Variants in KCTD18 observed in about 807,000 individuals in gnomAD.
KCTD18 encodes potassium channel tetramerization domain containing 18, also known as BTB/POZ domain-containing protein KCTD18.
A neutral mutation model predicts 30.4 loss-of-function variants in KCTD18; 22 were observed. The ratio of observed to expected loss-of-function variants is 0.72; its 90% CI spans 0.52 to 1.03. The LOEUF is 1.03. Among genes scored for constraint, KCTD18 ranks in the 50% least tolerant of loss-of-function variants. The pLI is 0.00. For missense variants in KCTD18, 529 were observed against 547.6 expected (o/e 0.97, Z 0.34); for synonymous variants, 186 against 209.0 (o/e 0.89, Z 0.95).
chr2:200,501,145 T>G (rs1335783865), intron 3 of KCTD18, among the ~76,000 whole-genome samples: 1 of 152,118 alleles, frequency 6.6e-6, no homozygotes, highest in African/African-American at 2.4e-5. Context: ...CAAGATGGAT[T>G]AAAGACTTAA....
At chr2:200,505,637 T>C (rs910330026) in intron 2 of KCTD18, among the ~76,000 whole-genome samples, 2 of 152,168 alleles carry the variant, frequency 1.3e-5, no homozygotes, top group African/African-American at 4.8e-5. Context: ...AACAGGTATA[T>C]GGAGGTTCTC....
rs151075324 is a variant in KCTD18, at chr2:200,498,911, G to A, written c.546C>T (p.His182=). 1 of 1,613,732 alleles carries A rather than the reference G, an allele frequency of 6.2e-7. No homozygotes were observed. Among genetic ancestry groups the A allele is most frequent in the African/African-American group, 1.3e-5 (1 of 75,022 alleles). ...CATACCTTTTAAAAATGCCTTTGCT[G>A]TGAATTCTTCCTCCCAGCTGCTTTT... ...AIEKQLGGRI[H]SKGIFKREAG... The change falls in exon 4 of 7, where the codon CAC becomes CAT. Residue 182 remains histidine (H), a synonymous_variant. Coordinates refer to ENST00000359878, the MANE Select transcript of KCTD18 (RefSeq NM_152387.4).
At chr2:200,499,139 T>C (rs1450196947) in intron 3 of KCTD18, 55 bp from the exon 4 acceptor site, 1 of 1,238,272 alleles carries the variant, frequency 8.1e-7, no homozygotes, top group African/African-American at 1.5e-5. Flanking sequence ...AAAATAAAAA[T>C]GAATATGCTC....
At chr2:200,505,584 T>C (rs1574808964) in intron 2 of KCTD18, among the ~76,000 whole-genome samples, 1 of 152,166 alleles carries the variant, frequency 6.6e-6, no homozygotes, top group Admixed American at 6.5e-5. Flanking sequence ...ACACTGCTGG[T>C]AGAAACAGCA....
rs200421604 is a variant in KCTD18 at position 200,505,873 on chromosome 2, AAGAG to A, written c.161-918_161-915del. 6.6e-5 allele frequency among the ~76,000 whole-genome samples: 10 copies of A among 152,180 alleles called. No individual in the cohort carries two copies. The East Asian group carries it at 1.9e-3, about 29-fold the overall frequency. On this transcript the variant is annotated intron_variant, in intron 2 of 6. Coordinates refer to ENST00000359878, the MANE Select transcript of KCTD18 (RefSeq NM_152387.4). ...TAATTTAGCAGAATTAAAAAAAAAAAAGAGAGAAAAACCTCTACATGAGGCTAGT... is the reference window on the plus strand; with the variant it reads ...TAATTTAGCAGAATTAAAAAAAAAAAAGAAAAACCTCTACATGAGGCTAGT...
rs762649444 is a variant in KCTD18 at position 200,493,211 on chromosome 2, A to G, written c.725T>C (p.Leu242Ser). 1 of 1,613,390 alleles carries G rather than the reference A, an allele frequency of 6.2e-7. No homozygotes were observed. Among genetic ancestry groups the G allele is most frequent in the Admixed American group, 1.7e-5 (1 of 60,022 alleles). The part of the protein sequence containing the change: ...IECWTLEERP[L>S]LGSLRHMAPI... Reference sequence around the variant, plus strand: ...AGCCATGTGACGCAGGCTTCCAAGTAAAGGCCGTTCTTCTAGAGTCCAACA... The same window carrying G: ...AGCCATGTGACGCAGGCTTCCAAGTGAAGGCCGTTCTTCTAGAGTCCAACA... The change falls in exon 6 of 7, where the codon TTA becomes TCA. Residue 242 changes from leucine to serine, a missense_variant. Coordinates refer to ENST00000359878, the MANE Select transcript of KCTD18 (RefSeq NM_152387.4).
At position 200,497,753 on chromosome 2, in the gene KCTD18, CT is replaced by C; in HGVS notation, c.660del (p.Gly221ValfsTer11). 3 of 1,601,430 alleles carry C rather than the reference CT, an allele frequency of 1.9e-6. No homozygotes were observed. The highest frequency in any genetic ancestry group is 1.7e-6 in the Non-Finnish European group (2 of 1,169,250). On this transcript the variant is annotated frameshift_variant and splice_region_variant, in exon 5 of 7. Coordinates refer to ENST00000359878, the MANE Select transcript of KCTD18 (RefSeq NM_152387.4). LOFTEE classifies it high-confidence loss of function. ...MMDAFDAWEG[K>X]GVSYWRVPHE... is the part of the protein sequence containing the mutation. ...ATGAAATAAAAGAATTGCACTGTAC[CT>C]TTTCCTTCCCAAGCATCAAAGGCAT...
rs933969594 is a variant in KCTD18 at position 200,490,257 on chromosome 2, C to T, written c.1124G>A (p.Arg375Gln). The T allele has an allele frequency of 1.2e-6, 2 of 1,614,248 alleles. No homozygotes were observed. Among genetic ancestry groups the T allele is most frequent in the Non-Finnish European group, 1.7e-6 (2 of 1,180,044 alleles). Residue 375 changes from arginine (R) to glutamine (Q), a missense_variant, in exon 7 of 7, where the codon CGG becomes CAG. By Grantham distance (43) the Arg-to-Gln change is conservative. Transcript: ENST00000359878. The stretch of plus-strand genomic sequence containing the variant: ...CGGAGTCCTCTTCAGCTTTATCACC[C>T]GCTGGGGTGTAGGCTTCTTGTCGGA... ...LLSDKKPTPQ[R>Q]VIKLKRTPLC...
In KCTD18 at chr2:200,490,111, T is replaced by C; in HGVS notation, c.1270A>G (p.Lys424Glu). 1 of 1,572,404 alleles carries C rather than the reference T, an allele frequency of 6.4e-7. No individual in the cohort carries two copies. ...LGVRTENGKN[K>E]GN Reference sequence around the variant, plus strand: ...GTCCACCACTTTCATCAATTTCCCTTGTTCTTCCCGTTCTCAGTCCGCACT... The same window carrying C: ...GTCCACCACTTTCATCAATTTCCCTCGTTCTTCCCGTTCTCAGTCCGCACT... Residue 424 changes from lysine (K) to glutamate (E), a missense_variant, in exon 7 of 7, where the codon AAG (lysine) becomes GAG (glutamate). Transcript: ENST00000359878.
chr2:200,491,820 C>T (rs2087921634), intron 6 of KCTD18, among the ~76,000 whole-genome samples: 1 of 152,220 alleles, frequency 6.6e-6, no homozygotes, highest in Non-Finnish European at 1.5e-5. Flanking sequence ...TGCATAGCAT[C>T]AATGTGTCAT....
At chr2:200,497,081 T>C (rs953070675) in intron 5 of KCTD18, 3 of 152,266 alleles carry the variant, frequency 2.0e-5, no homozygotes, top group African/African-American at 7.2e-5. Context: ...TATCATACTT[T>C]GCACCTAACA....
At chr2:200,503,980 A>G (rs2030018090) in intron 3 of KCTD18, among the ~76,000 whole-genome samples, 1 of 152,378 alleles carries the variant, frequency 6.6e-6, no homozygotes, top group East Asian at 1.9e-4. Flanking sequence ...GAAGCATCTT[A>G]AAAAGATATT....
intron 6 of KCTD18, among the ~76,000 whole-genome samples, chr2:200,492,499 T>C (rs1169506473): frequency 1.3e-5 from 2 of 152,186 alleles, no homozygotes; most frequent in African/African-American, 4.8e-5. Flanking sequence ...AAAAACTGAA[T>C]AAGCATCTCC....
At chr2:200,498,352 T>C (rs1445161058) in intron 4 of KCTD18, among the ~76,000 whole-genome samples, 2 of 152,254 alleles carry the variant, frequency 1.3e-5, no homozygotes, top group Non-Finnish European at 2.9e-5. Flanking sequence ...TTTTAAAAAT[T>C]GCTAAGAGAA....
Position 200,490,117 on chromosome 2 carries a change from T to TC in KCTD18, c.1263dup (p.Lys422GlufsTer44). The TC allele has an allele frequency of 6.3e-7, 1 of 1,580,920 alleles. No homozygotes were observed. The highest frequency in any genetic ancestry group is 8.6e-7 in the Non-Finnish European group (1 of 1,158,278). On this transcript the variant is annotated frameshift_variant, in exon 7 of 7. Transcript: ENST00000359878. LOFTEE classifies it high-confidence loss of function. ...CACTTTCATCAATTTCCCTTGTTCTTCCCGTTCTCAGTCCGCACTCCCAAG... is the reference window on the plus strand; with the variant it reads ...CACTTTCATCAATTTCCCTTGTTCTTCCCCGTTCTCAGTCCGCACTCCCAAG...
intron 5 of KCTD18, among the ~76,000 whole-genome samples, chr2:200,495,691 T>G (rs938425638): frequency 5.9e-5 from 9 of 152,136 alleles, no homozygotes; most frequent in African/African-American, 2.2e-4. Context: ...TTCTGGGAAT[T>G]TTATGGTCAT....
intron 4 of KCTD18, 151 bp from the exon 5 acceptor site, chr2:200,497,998 A>G: frequency 1.6e-6 from 1 of 622,116 alleles, no homozygotes; most frequent in South Asian, 1.9e-5. Flanking sequence ...TTAAGTATAC[A>G]TATGCTTACA....
At chr2:200,506,491 T>C (rs2030205362) in intron 2 of KCTD18, among the ~76,000 whole-genome samples, 1 of 152,202 alleles carries the variant, frequency 6.6e-6, no homozygotes, top group South Asian at 2.1e-4. Context: ...GGGCAGCTGC[T>C]TTCTCCAGAC....
intron 3 of KCTD18, among the ~76,000 whole-genome samples, chr2:200,503,162 G>A (rs1281143623): frequency 6.6e-6 from 1 of 152,144 alleles, no homozygotes; most frequent in East Asian, 1.9e-4. Flanking sequence ...ACTGCTGTAA[G>A]TACTCTGGAC....
Sources: gnomAD v4.1 joint callset for allele counts (sites outside exome capture counted in the v4.1 genomes callset) on GRCh38, gnomAD v4.1.1 for gene constraint, MANE v1.5 for transcripts, NCBI Gene and HGNC (gene_info 2026-07-23, HGNC 2026-07-21) for gene names.